Variants in WDFY4 observed in about 807,000 individuals in gnomAD.
WDFY4 encodes the protein WDFY family member 4, also known as WD repeat- and FYVE domain-containing protein 4.
WDFY4 carries 169 observed loss-of-function variants against 351.9 expected under a neutral mutation model. The ratio of observed to expected loss-of-function variants is 0.48; its 90% CI spans 0.42 to 0.55. The LOEUF (loss-of-function observed/expected upper bound fraction) is 0.55, where lower values mean the gene tolerates loss of function less well. Ranked by LOEUF, WDFY4 falls within the 20% of genes least tolerant of loss-of-function variation. The probability of loss-of-function intolerance (pLI) is 0.00; values close to 1 mark genes in which losing one functional copy is unlikely to be tolerated. For synonymous variants in WDFY4, 1,622 were observed against 1,574.6 expected, an observed-to-expected ratio of 1.03 and a Z score of -0.71; for missense variants, 3,803 against 3,935.6, an observed-to-expected ratio of 0.97 and a Z score of 0.90.
At chr10:48,901,891 G>T (rs1366814421) in intron 47 of WDFY4, 28 bp downstream of exon 47, 1 of 1,544,718 alleles carries the variant, frequency 6.5e-7, no homozygotes, top group Admixed American at 2.0e-5. Flanking sequence ...TGCTGTCTGG[G>T]CATGGCACTG....
At chr10:48,818,338 G>T (rs968283343) in intron 32 of WDFY4, among the ~76,000 whole-genome samples, 3 of 152,206 alleles carry the variant, frequency 2.0e-5, no homozygotes, top group Non-Finnish European at 4.4e-5. Flanking sequence ...TTTGCTAAGT[G>T]CCCAAATGAA....
At chr10:48,861,052 T>C (rs1440125075) in intron 39 of WDFY4, among the ~76,000 whole-genome samples, 1 of 152,136 alleles carries the variant, frequency 6.6e-6, no homozygotes, top group African/African-American at 2.4e-5. Flanking sequence ...TTTTCATTTA[T>C]TTATTGTGTT....
intron 39 of WDFY4, among the ~76,000 whole-genome samples, chr10:48,847,511 C>G (rs1047712472): frequency 6.6e-6 from 1 of 152,204 alleles, no homozygotes; most frequent in African/African-American, 2.4e-5. Context: ...TCCAAACCCC[C>G]TCCAGTAATC....
chr10:48,696,223 G>A (rs1387766677), intron 1 of WDFY4, among the ~76,000 whole-genome samples: 2 of 152,230 alleles, frequency 1.3e-5, no homozygotes, highest in African/African-American at 2.4e-5. Context: ...GTCTAGGGCC[G>A]CACCGAGGTG....
At chr10:48,980,410 G>A (rs957323934) in intron 60 of WDFY4, among the ~76,000 whole-genome samples, 28 of 152,174 alleles carry the variant, frequency 1.8e-4, no homozygotes, top group African/African-American at 6.8e-4. Flanking sequence ...TGTCTTAAGG[G>A]GCAAGAAAGG....
chr10:48,699,688 C>G (rs561496143), intron 1 of WDFY4, among the ~76,000 whole-genome samples: 1 of 152,320 alleles, frequency 6.6e-6, no homozygotes, highest in African/African-American at 2.4e-5. Flanking sequence ...ACACTAAGCT[C>G]CCAACAAGGC....
chr10:48,731,479 T>A lies in WDFY4; in HGVS notation c.1499T>A (p.Phe500Tyr). 2.6e-6 allele frequency: 4 copies of A among 1,551,624 alleles called. No homozygotes were observed. Among genetic ancestry groups the A allele is most frequent in the Non-Finnish European group, 3.5e-6 (4 of 1,146,990 alleles). The change falls in exon 9 of 62, where the codon TTC becomes TAC. Residue 500 changes from phenylalanine (F) to tyrosine (Y), a missense_variant. Physicochemically the swap from Phe to Tyr is conservative, Grantham distance 22. Transcript: ENST00000325239. ...AGCATCGCTGGTGGGGACCCCCTCT[T>A]CACCGACATCTTCCGGGACTCAGGG... ...ILSIAGGDPL[F>Y]TDIFRDSGLL...
intron 32 of WDFY4, among the ~76,000 whole-genome samples, chr10:48,818,369 C>G (rs917267899): frequency 1.3e-5 from 2 of 152,216 alleles, no homozygotes; most frequent in African/African-American, 4.8e-5. Flanking sequence ...GCTCTCTTAG[C>G]TAATCTTTTC....
At chr10:48,926,405 C>T (rs1203247871) in intron 47 of WDFY4, among the ~76,000 whole-genome samples, 2 of 152,174 alleles carry the variant, frequency 1.3e-5, no homozygotes, top group African/African-American at 4.8e-5. Context: ...TGCAATGTCA[C>T]CCCCTAGAGA....
intron 51 of WDFY4, among the ~76,000 whole-genome samples, chr10:48,947,465 G>T (rs187813638): frequency 9.2e-5 from 14 of 152,214 alleles, no homozygotes; most frequent in African/African-American, 3.1e-4. Context: ...ACCAGCTTAC[G>T]GTCGCCAGGT....
chr10:48,883,362 T>C (rs2070329788), intron 43 of WDFY4, among the ~76,000 whole-genome samples: 1 of 151,450 alleles, frequency 6.6e-6, no homozygotes. Flanking sequence ...GTGAACATGT[T>C]CAGGCAAATA....
intron 47 of WDFY4, chr10:48,913,822 C>T (rs568174833): frequency 1.7e-5 from 28 of 1,613,900 alleles, no homozygotes; most frequent in East Asian, 2.2e-5. Context: ...ACGGGCAGCC[C>T]GTTGCTGGTC....
At chr10:48,758,159 G>C (rs1258752755) in intron 12 of WDFY4, among the ~76,000 whole-genome samples, 1 of 152,068 alleles carries the variant, frequency 6.6e-6, no homozygotes. Flanking sequence ...CTTCATCTGG[G>C]AACACATTTA....
At chr10:48,820,511 G>A (rs1349520145) in intron 33 of WDFY4, 74 bp downstream of exon 33, 4 of 1,481,796 alleles carry the variant, frequency 2.7e-6, no homozygotes, top group East Asian at 5.0e-5. Context: ...AGGGCAGGAT[G>A]CACCCAGGGA....
At chr10:48,804,908 C>A in intron 25 of WDFY4, 1 of 456,416 alleles carries the variant, frequency 2.2e-6, no homozygotes, top group Non-Finnish European at 2.9e-6. Flanking sequence ...GCACTCCTGG[C>A]TGGTGGGAAG....
intron 26 of WDFY4, among the ~76,000 whole-genome samples, 155 bp from the exon 27 acceptor site, chr10:48,805,849 G>T (rs1013028068): frequency 1.3e-5 from 2 of 152,202 alleles, no homozygotes; most frequent in African/African-American, 4.8e-5. Context: ...ACTGATTTTA[G>T]AAGTCTCTGG....
rs114034386 is a variant in WDFY4, at chr10:48,929,504, G to A, written c.7587-12302G>A. Among the ~76,000 whole-genome samples, 985 of 152,232 alleles carry A rather than the reference G, an allele frequency of 6.5e-3. 14 individuals carry two copies. Among genetic ancestry groups the A allele is most frequent in the African/African-American group, 0.022 (926 of 41,516 alleles). Reference sequence around the variant, plus strand: ...GTGGGTTAGAGGCTGCCTCTGCCACGTGCCCCCTGAGGTCCATGGCCAAGC... The same window carrying A: ...GTGGGTTAGAGGCTGCCTCTGCCACATGCCCCCTGAGGTCCATGGCCAAGC... On this transcript the variant is annotated intron_variant, in intron 47 of 61. Coordinates refer to ENST00000325239, the MANE Select transcript of WDFY4 (RefSeq NM_001394531.1).
chr10:48,889,828 C>T (rs1257302285), intron 43 of WDFY4, among the ~76,000 whole-genome samples: 1 of 152,188 alleles, frequency 6.6e-6, no homozygotes, highest in African/African-American at 2.4e-5. Context: ...CAGCTGATTC[C>T]AGAGCAGCTC....
intron 48 of WDFY4, among the ~76,000 whole-genome samples, chr10:48,942,379 C>CGTGTGT (rs3081534): frequency 1.2e-3 from 188 of 151,156 alleles, no homozygotes; most frequent in African/African-American, 4.2e-3. Flanking sequence ...TGCGTGTGTG[C>CGTGTGT]GTGTGTGTGT....
Sources: gnomAD v4.1 joint callset for allele counts (sites outside exome capture counted in the v4.1 genomes callset) on GRCh38, gnomAD v4.1.1 for gene constraint, MANE v1.5 for transcripts, NCBI Gene and HGNC (gene_info 2026-07-23, HGNC 2026-07-21) for gene names.